Variants in HENMT1 observed in about 807,000 individuals in gnomAD.
HENMT1 encodes the protein HEN methyltransferase 1.
Under a neutral mutation model 31.1 loss-of-function variants are expected in HENMT1, and 27 were observed. The observed-to-expected ratio is 0.87, with a 90% CI of 0.64 to 1.20. The LOEUF is 1.20. Ranked by LOEUF, HENMT1 falls within the 50% of genes most tolerant of loss-of-function variation. The probability of loss-of-function intolerance (pLI) is 0.00; values close to 1 mark genes in which losing one functional copy is unlikely to be tolerated. For missense variants in HENMT1, 438 were observed against 469.6 expected, an observed-to-expected ratio of 0.93 and a Z score of 0.62; for synonymous variants, 167 against 172.2, an observed-to-expected ratio of 0.97 and a Z score of 0.24.
intron 2 of HENMT1, among the ~76,000 whole-genome samples, chr1:108,658,082 C>CTT (rs1658314371): frequency 5.4e-5 from 7 of 129,948 alleles, no homozygotes; most frequent in African/African-American, 1.9e-4. Flanking sequence ...CACACACACA[C>CTT]ACACACACAC....
intron 2 of HENMT1, among the ~76,000 whole-genome samples, chr1:108,659,453 G>C (rs1295839469): frequency 3.3e-5 from 5 of 152,018 alleles, no homozygotes; most frequent in African/African-American, 1.2e-4. Flanking sequence ...GGACAGCAGG[G>C]AGCTACACCC....
In HENMT1 at chr1:108,648,809, G is replaced by C. The variant is rs752873891; in HGVS notation, c.939C>G (p.Cys313Trp). The C allele has an allele frequency of 1.9e-6, 3 of 1,614,194 alleles. No individual in the cohort carries two copies. The highest frequency in any genetic ancestry group is 3.3e-4 in the Middle Eastern group (2 of 6,062). ...CAACCTCTGTGAAGACTGGTCCAAA[G>C]CATGGGACAGGGGCCTTTGAGCCAC... ...DIGGSKAPVP[C>W]FGPVFTEVEK... is the part of the protein sequence containing the mutation. Residue 313 changes from cysteine to tryptophan, a missense_variant, in exon 8 of 8, where the codon TGC (cysteine) becomes TGG (tryptophan). Cys to Trp is a radical substitution (Grantham distance 215). Transcript: ENST00000651461.
chr1:108,654,992 TATTAA>T (rs2100999414), intron 4 of HENMT1, 142 bp from the exon 5 acceptor site: 1 of 828,880 alleles, frequency 1.2e-6, no homozygotes, highest in Non-Finnish European at 1.9e-6. Context: ...TGTCTTGACA[TATTAA>T]AGACCAGGTC....
intron 5 of HENMT1, among the ~76,000 whole-genome samples, chr1:108,652,141 T>C (rs1240738459): frequency 6.6e-6 from 1 of 152,224 alleles, no homozygotes. Context: ...CATTGTGTGA[T>C]CTTGGGCCAT....
At chr1:108,651,651 A>G (rs1314173159) in intron 5 of HENMT1, among the ~76,000 whole-genome samples, 1 of 151,920 alleles carries the variant, frequency 6.6e-6, no homozygotes, top group Non-Finnish European at 1.5e-5. Flanking sequence ...CAAGAAAGAT[A>G]GAAGAAAAAG....
chr1:108,651,201 T>C lies in HENMT1; in HGVS notation c.407A>G (p.His136Arg), dbSNP rs773621767. Residue 136 changes from histidine to arginine, a missense_variant, in exon 6 of 8, where the codon CAT (histidine) becomes CGT (arginine). By Grantham distance (29) the His-to-Arg change is conservative. Transcript: ENST00000651461. ...DLITCIELIE[H>R]LDSGDLARFP... Reference sequence around the variant, plus strand: ...TCTGGCCAGATCACCTGAATCCAAATGTTCTATTCTAAAATGGTTAATGAG... The same window carrying C: ...TCTGGCCAGATCACCTGAATCCAAACGTTCTATTCTAAAATGGTTAATGAG... The C allele has an allele frequency of 1.9e-6, 3 of 1,612,674 alleles. No homozygotes were observed. The highest frequency in any genetic ancestry group is 2.5e-6 in the Non-Finnish European group (3 of 1,179,354).
At position 108,657,962 on chromosome 1, in the gene HENMT1, AC is replaced by A. The variant is rs1164638687; in HGVS notation, c.22-384del. Among the ~76,000 whole-genome samples the A allele has an allele frequency of 4.6e-3, 666 of 146,102 alleles. 10 individuals carry two copies. Among genetic ancestry groups the A allele is most frequent in the African/African-American group, 0.017 (633 of 37,322 alleles). On this transcript the variant is annotated intron_variant, in intron 2 of 7. Coordinates refer to ENST00000651461, the MANE Select transcript of HENMT1 (RefSeq NM_001102592.2). ...GGCTGGAAAATATTTATAATGACTG[AC>A]TATATATATATACACACACACATAT...
intron 5 of HENMT1, among the ~76,000 whole-genome samples, chr1:108,651,922 T>C (rs1321793950): frequency 6.6e-6 from 1 of 152,178 alleles, no homozygotes; most frequent in African/African-American, 2.4e-5. Context: ...ACCTCCCTGA[T>C]ATAATGCATC....
chr1:108,653,327 C>G (rs779008105), intron 5 of HENMT1, among the ~76,000 whole-genome samples: 8 of 152,138 alleles, frequency 5.3e-5, no homozygotes, highest in Admixed American at 4.6e-4. Flanking sequence ...AAATACCACA[C>G]TTTCTTTATC....
intron 5 of HENMT1, among the ~76,000 whole-genome samples, chr1:108,651,957 A>G (rs868112417): frequency 2.3e-4 from 35 of 152,242 alleles, no homozygotes; most frequent in African/African-American, 8.2e-4. Context: ...CACTTCTATG[A>G]TATTCTTGTC....
At chr1:108,651,451 C>A (rs1370950469) in intron 5 of HENMT1, 1 of 403,188 alleles carries the variant, frequency 2.5e-6, no homozygotes. Context: ...TAAAGACCAG[C>A]CCGGCCAACA....
At position 108,659,964 on chromosome 1, in the gene HENMT1, T is replaced by C; in HGVS notation, c.-78-2A>G. The stretch of plus-strand genomic sequence containing the variant: ...TTGAGAGAATCAGCACTGACTCAGC[T>C]GTAATAAATACAAAACCGTTTTTGT... On this transcript the variant is annotated splice_acceptor_variant, in intron 1 of 7. Transcript: ENST00000651461. LOFTEE classifies it low-confidence loss of function (5UTR_SPLICE). 4 of 1,492,114 alleles carry C rather than the reference T, an allele frequency of 2.7e-6. No individual in the cohort carries two copies. The highest frequency in any genetic ancestry group is 3.6e-6 in the Non-Finnish European group (4 of 1,122,110). 92.4% of individuals were successfully genotyped at this position (1,492,114 alleles called of 1,614,324 possible).
chr1:108,653,843 C>T (rs1444360569), intron 5 of HENMT1, among the ~76,000 whole-genome samples: 1 of 152,110 alleles, frequency 6.6e-6, no homozygotes, highest in Non-Finnish European at 1.5e-5. Context: ...TATTTTCTCC[C>T]ATTCTATAGG....
intron 5 of HENMT1, among the ~76,000 whole-genome samples, chr1:108,651,838 T>C (rs1032543812): frequency 2.6e-5 from 4 of 152,112 alleles, no homozygotes; most frequent in South Asian, 2.1e-4. Context: ...ATGGCTCCCT[T>C]ATCCAACCAA....
intron 4 of HENMT1, 82 bp from the exon 5 acceptor site, chr1:108,654,932 T>C: frequency 7.3e-7 from 1 of 1,364,866 alleles, no homozygotes; most frequent in South Asian, 1.2e-5. Flanking sequence ...GATCCTCTGA[T>C]AATTATCTTC....
At chr1:108,651,808 AC>A (rs745322240) in intron 5 of HENMT1, among the ~76,000 whole-genome samples, 2 of 151,668 alleles carry the variant, frequency 1.3e-5, no homozygotes, top group Non-Finnish European at 2.9e-5. Context: ...ATCCTTTCCT[AC>A]CCCCCAACTC....
intron 5 of HENMT1, among the ~76,000 whole-genome samples, chr1:108,653,486 G>A (rs1171662741): frequency 6.6e-6 from 1 of 152,200 alleles, no homozygotes; most frequent in Non-Finnish European, 1.5e-5. Context: ...TCACATGGCA[G>A]TTCTATTTTC....
In HENMT1 at chr1:108,651,119, T is replaced by C. The variant is rs1192800033; in HGVS notation, c.489A>G (p.Pro163=). 2 of 1,613,982 alleles carry C rather than the reference T, an allele frequency of 1.2e-6. No individual in the cohort carries two copies. The highest frequency in any genetic ancestry group is 1.7e-5 in the Admixed American group (1 of 60,018). The stretch of plus-strand genomic sequence containing the variant: ...GAAACAGGGGATTGAATTCAGAGTT[T>C]GGTGTGCTGATGACAATCATGGATG... ...LSPSMIVIST[P]NSEFNPLFPS... is the part of the protein sequence containing the mutation. The change falls in exon 6 of 8, where the codon CCA becomes CCG. Residue 163 remains proline (P), a synonymous_variant. Transcript: ENST00000651461.
intron 2 of HENMT1, among the ~76,000 whole-genome samples, chr1:108,657,984 CAT>C (rs147545516): frequency 0.034 from 4,761 of 140,786 alleles, 216 homozygotes; most frequent in African/African-American, 0.1. Flanking sequence ...TACACACACA[CAT>C]ATATATACAC....
Sources: gnomAD v4.1 joint callset for allele counts (sites outside exome capture counted in the v4.1 genomes callset) on GRCh38, gnomAD v4.1.1 for gene constraint, MANE v1.5 for transcripts, NCBI Gene and HGNC (gene_info 2026-07-23, HGNC 2026-07-21) for gene names.